ST3GAL2: variants seen among roughly 807,000 people sequenced by gnomAD.
The protein encoded by ST3GAL2 is ST3 beta-galactoside alpha-2,3-sialyltransferase 2, also known as CMP-N-acetylneuraminate-beta-galactosamide-alpha-2,3-sialyltransferase 2.
A neutral mutation model predicts 37.5 loss-of-function variants in ST3GAL2; 16 were observed. That is an observed-to-expected ratio of 0.43 (90% CI 0.29 to 0.65). The LOEUF (loss-of-function observed/expected upper bound fraction) is 0.65. ST3GAL2 is among the 30% of genes least tolerant of loss of function. The probability of loss-of-function intolerance (pLI) is 0.17; values close to 1 mark genes in which losing one functional copy is unlikely to be tolerated. For synonymous variants in ST3GAL2, 238 were observed against 202.9 expected (o/e 1.17, Z -1.47); for missense variants, 383 against 487.8 (o/e 0.79, Z 2.02).
chr16:70,425,052 A>T (rs2047740917), intron 1 of ST3GAL2, among the ~76,000 whole-genome samples: 1 of 152,006 alleles, frequency 6.6e-6, no homozygotes, highest in Non-Finnish European at 1.5e-5. Flanking sequence ...AATGATAAAG[A>T]TGTCTTGTAT....
intron 1 of ST3GAL2, among the ~76,000 whole-genome samples, chr16:70,431,951 G>A (rs1047207450): frequency 7.3e-5 from 11 of 150,770 alleles, no homozygotes; most frequent in South Asian, 2.1e-4. Context: ...GCAACAGAGC[G>A]AGACTCCGTC....
intron 1 of ST3GAL2, 44 bp from the exon 2 acceptor site, chr16:70,399,577 G>A (rs976484609): frequency 2.8e-5 from 11 of 397,004 alleles, no homozygotes; most frequent in Non-Finnish European, 4.9e-5. Flanking sequence ...TGAATCACAC[G>A]GGCACCAGGC....
intron 1 of ST3GAL2, among the ~76,000 whole-genome samples, chr16:70,416,556 T>C (rs959103046): frequency 6.6e-6 from 1 of 152,176 alleles, no homozygotes; most frequent in African/African-American, 2.4e-5. Flanking sequence ...CAACTGAGTA[T>C]CATCTCTCTA....
At chr16:70,395,972 CT>C (rs11353666) in intron 2 of ST3GAL2, among the ~76,000 whole-genome samples, 7,298 of 141,530 alleles carry the variant, frequency 0.052, 529 homozygotes, top group African/African-American at 0.17. Context: ...ATGAAATACT[CT>C]TTTTTTTTTT....
intron 1 of ST3GAL2, among the ~76,000 whole-genome samples, chr16:70,414,606 G>A (rs2047662144): frequency 6.6e-6 from 1 of 152,182 alleles, no homozygotes; most frequent in South Asian, 2.1e-4. Context: ...ATTGATTCAG[G>A]AGCCAAATTC....
chr16:70,425,605 G>A (rs963163634), intron 1 of ST3GAL2, among the ~76,000 whole-genome samples: 2 of 152,152 alleles, frequency 1.3e-5, no homozygotes, highest in Non-Finnish European at 2.9e-5. Context: ...TGGTAATCCA[G>A]CTACTCGGGA....
At chr16:70,428,417 C>T (rs1461691300) in intron 1 of ST3GAL2, among the ~76,000 whole-genome samples, 1 of 152,236 alleles carries the variant, frequency 6.6e-6, no homozygotes, top group Non-Finnish European at 1.5e-5. Flanking sequence ...TCTTATCAGA[C>T]TGACCTTTGG....
chr16:70,382,102 G>A (rs1035675320), intron 6 of ST3GAL2, among the ~76,000 whole-genome samples: 5 of 145,530 alleles, frequency 3.4e-5, no homozygotes, highest in Admixed American at 6.9e-5. Flanking sequence ...ACCACTCAGT[G>A]AAGCACTTGC....
rs1388427247 is a variant in ST3GAL2 at position 70,380,298 on chromosome 16, T to A, written c.*1391A>T. On this transcript the variant is annotated 3_prime_UTR_variant, in exon 7 of 7. Coordinates refer to ENST00000342907, the MANE Select transcript of ST3GAL2 (RefSeq NM_006927.4). ...GCCGGTCCCTGTTCCCTCAGCCAGC[T>A]GCAGGAACCTACCAACGGCCAGGAA... 1 of 152,252 alleles carries A rather than the reference T, an allele frequency of 6.6e-6. No homozygotes were observed. The highest frequency in any genetic ancestry group is 1.5e-5 in the Non-Finnish European group (1 of 68,110). The allele number at this position is 152,252 out of a possible 1,614,324, so 9.4% of individuals were successfully genotyped here.
chr16:70,405,222 A>C (rs1418868773), intron 1 of ST3GAL2, among the ~76,000 whole-genome samples: 2 of 152,186 alleles, frequency 1.3e-5, no homozygotes, highest in Admixed American at 6.5e-5. Context: ...GCATGGATGA[A>C]CTTGAAAACC....
At chr16:70,434,301 G>A (rs1298068303) in intron 1 of ST3GAL2, among the ~76,000 whole-genome samples, 1 of 152,138 alleles carries the variant, frequency 6.6e-6, no homozygotes, top group Non-Finnish European at 1.5e-5. Flanking sequence ...GCTGGCTGTG[G>A]TGGTGCGTGC....
At chr16:70,409,947 T>A (rs894562707) in intron 1 of ST3GAL2, among the ~76,000 whole-genome samples, 2 of 151,410 alleles carry the variant, frequency 1.3e-5, no homozygotes, top group South Asian at 4.2e-4. Flanking sequence ...TTTTTGTTGT[T>A]GTAGAGATGA....
intron 3 of ST3GAL2, among the ~76,000 whole-genome samples, chr16:70,389,655 G>A (rs1247638712): frequency 6.6e-6 from 1 of 151,766 alleles, no homozygotes; most frequent in African/African-American, 2.4e-5. Flanking sequence ...CAGTAGAGAC[G>A]GGGTTTCACC....
chr16:70,429,606 AAAG>A (rs2047774978), intron 1 of ST3GAL2, among the ~76,000 whole-genome samples: 1 of 150,046 alleles, frequency 6.7e-6, no homozygotes, highest in African/African-American at 2.5e-5. Flanking sequence ...AAAAAAAAAA[AAAG>A]AGTGAATCCC....
intron 1 of ST3GAL2, among the ~76,000 whole-genome samples, chr16:70,437,952 C>G (rs1350084427): frequency 6.6e-6 from 1 of 152,174 alleles, no homozygotes; most frequent in Admixed American, 6.6e-5. Context: ...TGAAAAGAGG[C>G]CCCAGGTCCC....
Position 70,381,647 on chromosome 16 carries a change from G to A in ST3GAL2, c.*42C>T. ...TCCTGGGTCCCGGGCCGGAGCCCCG[G>A]TGCCCGATAGATGGGCCGGAAGGGT... On this transcript the variant is annotated 3_prime_UTR_variant, in exon 7 of 7. Coordinates refer to ENST00000342907, the MANE Select transcript of ST3GAL2 (RefSeq NM_006927.4). 2 of 1,601,196 alleles carry A rather than the reference G, an allele frequency of 1.2e-6. No individual in the cohort carries two copies. The highest frequency in any genetic ancestry group is 8.5e-7 in the Non-Finnish European group (1 of 1,173,688).
At chr16:70,387,298 T>C (rs1283704614) in intron 4 of ST3GAL2, among the ~76,000 whole-genome samples, 1 of 151,976 alleles carries the variant, frequency 6.6e-6, no homozygotes, top group Admixed American at 6.6e-5. Flanking sequence ...CTCATGCCTG[T>C]AATCTCAACA....
intron 1 of ST3GAL2, among the ~76,000 whole-genome samples, chr16:70,410,100 CTGT>C (rs932786399): frequency 6.6e-6 from 1 of 151,672 alleles, no homozygotes; most frequent in African/African-American, 2.4e-5. Context: ...TCACCTGATG[CTGT>C]TGTTGTTTTC....
chr16:70,419,357 G>C (rs1430405991), intron 1 of ST3GAL2, among the ~76,000 whole-genome samples: 1 of 152,250 alleles, frequency 6.6e-6, no homozygotes, highest in Non-Finnish European at 1.5e-5. Flanking sequence ...GAGAATAGGG[G>C]AGAGAATACC....
Sources: gnomAD v4.1 joint callset for allele counts (sites outside exome capture counted in the v4.1 genomes callset) on GRCh38, gnomAD v4.1.1 for gene constraint, MANE v1.5 for transcripts, NCBI Gene and HGNC (gene_info 2026-07-23, HGNC 2026-07-21) for gene names.